PSMA6: variants seen among roughly 807,000 people sequenced by gnomAD.
The protein encoded by PSMA6 is proteasome subunit alpha type-6.
For missense variants in PSMA6, 170 were observed against 294.8 expected, an observed-to-expected ratio of 0.58 and a Z score of 3.10; for synonymous variants, 88 against 97.7, an observed-to-expected ratio of 0.90 and a Z score of 0.59.
intron 6 of PSMA6, chr14:35,316,037 C>T (rs1039419286): frequency 2.6e-5 from 4 of 152,164 alleles, no homozygotes; most frequent in African/African-American, 9.7e-5. Flanking sequence ...TAATAGGTCA[C>T]ATTAACAAGG....
chr14:35,300,388 G>A (rs1037773035), intron 1 of PSMA6, among the ~76,000 whole-genome samples: 2 of 152,100 alleles, frequency 1.3e-5, no homozygotes, highest in Non-Finnish European at 2.9e-5. Context: ...TAGGAGGATT[G>A]CTTGAGCCGA....
chr14:35,281,007 A>C (rs1348004206), intron 1 of PSMA6, among the ~76,000 whole-genome samples: 1 of 152,086 alleles, frequency 6.6e-6, no homozygotes, highest in East Asian at 1.9e-4. Context: ...CCACTCCTTT[A>C]ACCCAACCAC....
chr14:35,308,560 T>C (rs2051877380), intron 2 of PSMA6: 1 of 251,212 alleles, frequency 4.0e-6, no homozygotes, highest in Admixed American at 5.1e-5. Flanking sequence ...TGAACGTCTA[T>C]ATACAGTTCA....
At chr14:35,296,608 C>T (rs8014585) in intron 1 of PSMA6, among the ~76,000 whole-genome samples, 7,617 of 152,132 alleles carry the variant, frequency 0.05, 286 homozygotes, top group African/African-American at 0.1. Flanking sequence ...GGATTACAAG[C>T]GTGAGCCACC....
Position 35,292,432 on chromosome 14 carries a change from G to A in PSMA6, c.-45G>A. On this transcript the variant is annotated 5_prime_UTR_variant, in exon 1 of 7. Coordinates refer to ENST00000261479, the MANE Select transcript of PSMA6 (RefSeq NM_002791.3). ...AGGTGCTTGTGTGCCTGGTGCGGGA[G>A]CTACGGGGCCCAGGGATTGTGTTTA... The A allele has an allele frequency of 6.3e-7, 1 of 1,590,596 alleles. No homozygotes were observed. The highest frequency in any genetic ancestry group is 1.1e-5 in the South Asian group (1 of 88,482).
Position 35,313,043 on chromosome 14 carries a change from T to C in PSMA6, c.572T>C (p.Phe191Ser). The C allele has an allele frequency of 1.3e-6, 2 of 1,577,706 alleles. No individual in the cohort carries two copies. Among genetic ancestry groups the C allele is most frequent in the South Asian group, 2.4e-5 (2 of 85,088 alleles). Residue 191 changes from phenylalanine (F) to serine (S), a missense_variant, in exon 5 of 7, where the codon TTT becomes TCT. Phe to Ser is a radical substitution (Grantham distance 155, BLOSUM62 -2). Coordinates refer to ENST00000261479, the MANE Select transcript of PSMA6 (RefSeq NM_002791.3). ...GTGAAGAAGAAATTTGATTGGACAT[T>C]TGAACAGACAGTGGAAGTAAGTCAA... The part of the protein sequence containing the change: ...KKVKKKFDWT[F>S]EQTVETAITC...
At chr14:35,291,258 C>G (rs2051475925), upstream of PSMA6, among the ~76,000 whole-genome samples, 2 of 150,868 alleles carry the variant, frequency 1.3e-5, no homozygotes, top group Admixed American at 6.6e-5. Context: ...CGCTCTGTCG[C>G]CCAGGCTGGA....
At chr14:35,288,089 AAAAC>A (rs199752666), upstream of PSMA6, among the ~76,000 whole-genome samples, 1,372 of 152,360 alleles carry the variant, frequency 9.0e-3, 20 homozygotes, top group African/African-American at 0.031. Flanking sequence ...TGAATAAAGA[AAAAC>A]AATTAACATA....
At chr14:35,289,915 CA>C (rs750610944), upstream of PSMA6, among the ~76,000 whole-genome samples, 539 of 79,622 alleles carry the variant, frequency 6.8e-3, no homozygotes, top group African/African-American at 0.022. Flanking sequence ...TACCGCATTT[CA>C]AAAAAAAAAA....
At chr14:35,315,554 G>A (rs552317890) in intron 6 of PSMA6, 2 of 151,722 alleles carry the variant, frequency 1.3e-5, no homozygotes, top group East Asian at 2.0e-4. Flanking sequence ...GGGTAACATA[G>A]TGAGACCTCA....
intron 2 of PSMA6, chr14:35,308,539 G>C (rs2051876717): frequency 5.0e-6 from 1 of 198,864 alleles, no homozygotes; most frequent in Non-Finnish European, 1.0e-5. Flanking sequence ...TGTCATCCAA[G>C]AAGTGTCTAT....
At chr14:35,310,688 A>G in intron 3 of PSMA6, 52 bp from the exon 4 acceptor site, 1 of 1,591,150 alleles carries the variant, frequency 6.3e-7, no homozygotes, top group Non-Finnish European at 8.6e-7. Flanking sequence ...CCTGGCTTTC[A>G]GGTTTGTTCT....
In PSMA6 at chr14:35,314,463, A is replaced by G. The variant is rs2052000947; in HGVS notation, c.683+8A>G. 1.9e-6 allele frequency: 3 copies of G among 1,607,822 alleles called. No homozygotes were observed. Among genetic ancestry groups the G allele is most frequent in the Non-Finnish European group, 2.6e-6 (3 of 1,176,208 alleles). ...TGAAAATCCTAAATTCAGGTGAGTG[A>G]TATTGTGGGCCACATGCAGACTAGA... On this transcript the variant is annotated splice_region_variant and intron_variant, in intron 6 of 6. Coordinates refer to ENST00000261479, the MANE Select transcript of PSMA6 (RefSeq NM_002791.3).
chr14:35,285,156 G>A (rs2051406698), intron 1 of PSMA6, among the ~76,000 whole-genome samples: 1 of 151,982 alleles, frequency 6.6e-6, no homozygotes, highest in African/African-American at 2.4e-5. Flanking sequence ...GACCAGCCTG[G>A]GCAATATAGT....
chr14:35,299,504 T>C (rs1248251776), intron 1 of PSMA6, among the ~76,000 whole-genome samples: 1 of 151,654 alleles, frequency 6.6e-6, no homozygotes, highest in Non-Finnish European at 1.5e-5. Context: ...GTATTTTTAA[T>C]AGAGGCAGTG....
intron 5 of PSMA6, 45 bp from the exon 6 acceptor site, chr14:35,314,316 A>C: frequency 6.7e-7 from 1 of 1,499,526 alleles, no homozygotes; most frequent in Non-Finnish European, 9.0e-7. Flanking sequence ...AAACCTTGGA[A>C]TCTCTAAAAA....
chr14:35,294,137 C>T lies in PSMA6; in HGVS notation c.76+1585C>T, dbSNP rs189065719. ...TCGGCTCCCCGCAATCTCCGCCTCC[C>T]GGGTTCAAGCAATTCTGCCTCAGCC... On this transcript the variant is annotated intron_variant, in intron 1 of 6. Coordinates refer to ENST00000261479, the MANE Select transcript of PSMA6 (RefSeq NM_002791.3). 2.2e-3 allele frequency among the ~76,000 whole-genome samples: 340 copies of T among 152,348 alleles called. 2 individuals carry two copies. Among genetic ancestry groups the T allele is most frequent in the African/African-American group, 7.8e-3 (323 of 41,586 alleles).
chr14:35,310,079 G>A (rs1265889693), intron 3 of PSMA6: 1 of 360,058 alleles, frequency 2.8e-6, no homozygotes, highest in African/African-American at 2.2e-5. Context: ...AGGCTGCAGT[G>A]AGCTATGATG....
chr14:35,316,410 G>C (rs955947891), intron 6 of PSMA6: 1 of 150,794 alleles, frequency 6.6e-6, no homozygotes, highest in Admixed American at 6.6e-5. Flanking sequence ...AAAAGAGAAA[G>C]GAAATATATG....
Sources: gnomAD v4.1 joint callset for allele counts (sites outside exome capture counted in the v4.1 genomes callset) on GRCh38, gnomAD v4.1.1 for gene constraint, MANE v1.5 for transcripts, NCBI Gene and HGNC (gene_info 2026-07-23, HGNC 2026-07-21) for gene names.